The following ABCC11 variants were observed in gnomAD, a reference collection of about 807,000 sequenced individuals.
The protein encoded by ABCC11 is ATP binding cassette subfamily C member 11.
A neutral mutation model predicts 149.3 loss-of-function variants in ABCC11; 135 were observed. The observed-to-expected ratio is 0.90, with a 90% CI of 0.79 to 1.04. ABCC11 has a LOEUF of 1.04. Ranked by LOEUF, ABCC11 falls within the 50% of genes least tolerant of loss-of-function variation. The pLI, the probability that ABCC11 is intolerant of heterozygous loss-of-function variation, is 0.00. For synonymous variants in ABCC11, 665 were observed against 671.4 expected (o/e 0.99, Z 0.15); for missense variants, 1,680 against 1,722.1 (o/e 0.98, Z 0.43).
At chr16:48,212,619 T>G (rs1969021029) in intron 10 of ABCC11, among the ~76,000 whole-genome samples, 1 of 152,208 alleles carries the variant, frequency 6.6e-6, no homozygotes, top group South Asian at 2.1e-4. Context: ...CTTTGATCAT[T>G]AATTTACTTG....
At position 48,213,427 on chromosome 16, in the gene ABCC11, T is replaced by C. The variant is rs1389459642; in HGVS notation, c.1356+16A>G. The C allele has an allele frequency of 8.7e-6, 14 of 1,601,652 alleles. No individual in the cohort carries two copies. Among genetic ancestry groups the C allele is most frequent in the Admixed American group, 1.7e-5 (1 of 59,242 alleles). On this transcript the variant is annotated intron_variant, in intron 10 of 29. Transcript: ENST00000356608. Reference sequence around the variant, plus strand: ...GTCCAAGCAGGGGGCCTACAGCCAGTCCCCTGATGACCTACCTTGAACCTC... The same window carrying C: ...GTCCAAGCAGGGGGCCTACAGCCAGCCCCCTGATGACCTACCTTGAACCTC...
At chr16:48,226,179 C>T (rs1970058740) in intron 4 of ABCC11, among the ~76,000 whole-genome samples, 1 of 151,446 alleles carries the variant, frequency 6.6e-6, no homozygotes, top group Non-Finnish European at 1.5e-5. Flanking sequence ...CGGGTTCAAG[C>T]GATTCTCTGT....
intron 11 of ABCC11, chr16:48,210,588 T>G (rs1299934362): frequency 4.7e-6 from 1 of 213,244 alleles, no homozygotes; most frequent in Non-Finnish European, 9.4e-6. Context: ...GTTCACAGAA[T>G]AACCAAATTC....
rs567227718 is a variant in ABCC11 at position 48,241,085 on chromosome 16, C to G, written c.-19+6229G>C. On this transcript the variant is annotated intron_variant, in intron 1 of 29. Coordinates refer to ENST00000356608, the MANE Select transcript of ABCC11 (RefSeq NM_001370497.1). ...AAGTAGCTGGGATTACAGGCACGCA[C>G]CACCACACCTGGCTAATTTTCTGTA... 4.6e-5 allele frequency among the ~76,000 whole-genome samples: 7 copies of G among 152,248 alleles called. No individual in the cohort carries two copies. The South Asian group carries it at 1.2e-3, about 27-fold the overall frequency.
At chr16:48,238,189 C>A (rs1418444546) in intron 1 of ABCC11, among the ~76,000 whole-genome samples, 2 of 152,180 alleles carry the variant, frequency 1.3e-5, no homozygotes, top group Non-Finnish European at 1.5e-5. Context: ...AAGGTGGGAT[C>A]CTGTCAGACA....
At chr16:48,238,914 G>A (rs1280650527) in intron 1 of ABCC11, among the ~76,000 whole-genome samples, 2 of 134,752 alleles carry the variant, frequency 1.5e-5, no homozygotes, top group African/African-American at 2.9e-5. Context: ...TCCAGCCTGG[G>A]CGACAGAGGA....
rs189271829 is a variant in ABCC11 at position 48,214,507 on chromosome 16, G to T, written c.1248+374C>A. 1.7e-3 allele frequency among the ~76,000 whole-genome samples: 256 copies of T among 152,218 alleles called. 1 individual carries two copies. The highest frequency in any genetic ancestry group is 5.9e-3 in the African/African-American group (244 of 41,514). ...CTGCCACTTCTCAGGGCCAGGTTCC[G>T]ACCACGAAGGGAAGGACTGAAGACG... On this transcript the variant is annotated intron_variant, in intron 9 of 29. Transcript: ENST00000356608.
chr16:48,244,439 C>T, intron 1 of ABCC11: 2 of 1,594,466 alleles, frequency 1.3e-6, no homozygotes, highest in Non-Finnish European at 1.7e-6. Context: ...CGCTGCTGCT[C>T]ACCCACGAGG....
In ABCC11 at chr16:48,166,602, G is replaced by T. The variant is rs1965350662; in HGVS notation, c.*672C>A. On this transcript the variant is annotated 3_prime_UTR_variant, in exon 30 of 30. Transcript: ENST00000356608. ...GTAAAAAGCAGAATGAAGATGGCTG[G>T]GTGCAGTGGTTCATGCCCATAACCT... Among the ~76,000 whole-genome samples, 1 of 152,140 alleles carries T rather than the reference G, an allele frequency of 6.6e-6. No homozygotes were observed. Among genetic ancestry groups the T allele is most frequent in the African/African-American group, 2.4e-5 (1 of 41,418 alleles).
At chr16:48,245,422 A>T (rs58409512) in intron 1 of ABCC11, among the ~76,000 whole-genome samples, 29,711 of 152,166 alleles carry the variant, frequency 0.2, 3,392 homozygotes, top group African/African-American at 0.31. Context: ...CTCTTAGGCA[A>T]GTTATGAAGA....
At chr16:48,231,318 C>T (rs1203687859) in intron 2 of ABCC11, among the ~76,000 whole-genome samples, 1 of 151,626 alleles carries the variant, frequency 6.6e-6, no homozygotes, top group East Asian at 1.9e-4. Flanking sequence ...GAAGGTATGC[C>T]ATGATGATGG....
At chr16:48,202,755 A>T (rs7206909) in intron 14 of ABCC11, among the ~76,000 whole-genome samples, 1 of 152,064 alleles carries the variant, frequency 6.6e-6, no homozygotes, top group African/African-American at 2.4e-5. Flanking sequence ...ACAGACTGAG[A>T]TATTATTAGA....
intron 23 of ABCC11, among the ~76,000 whole-genome samples, chr16:48,180,173 G>A (rs1966339854): frequency 6.6e-6 from 1 of 152,224 alleles, no homozygotes. Context: ...CCAGAGCTTG[G>A]TTTAGGTGTG....
chr16:48,243,810 G>A (rs1220156908), intron 1 of ABCC11, among the ~76,000 whole-genome samples: 1 of 152,074 alleles, frequency 6.6e-6, no homozygotes, highest in African/African-American at 2.4e-5. Flanking sequence ...TGGCCAACAT[G>A]GTGAAATCCC....
intron 11 of ABCC11, chr16:48,210,602 C>A: frequency 4.3e-6 from 1 of 230,918 alleles, no homozygotes; most frequent in Non-Finnish European, 8.5e-6. Flanking sequence ...CAAATTCAAA[C>A]ACAGGATAGT....
At chr16:48,230,715 A>C (rs1258907088) in intron 2 of ABCC11, 142 bp from the exon 3 acceptor site, 1 of 1,021,650 alleles carries the variant, frequency 9.8e-7, no homozygotes, top group Non-Finnish European at 1.4e-6. Context: ...GAGAATAAGC[A>C]GGGGACCGAG....
intron 18 of ABCC11, among the ~76,000 whole-genome samples, chr16:48,194,368 C>A (rs1967198974): frequency 6.6e-6 from 1 of 152,170 alleles, no homozygotes; most frequent in African/African-American, 2.4e-5. Context: ...TTATGCAGGT[C>A]CTGCAGGTTC....
intron 26 of ABCC11, among the ~76,000 whole-genome samples, chr16:48,174,831 T>A (rs978702223): frequency 3.9e-5 from 6 of 152,172 alleles, no homozygotes; most frequent in Non-Finnish European, 8.8e-5. Context: ...TTTGTTTGTT[T>A]GTTTTTTAAT....
chr16:48,186,594 C>T (rs1315278596), intron 22 of ABCC11, among the ~76,000 whole-genome samples: 1 of 152,108 alleles, frequency 6.6e-6, no homozygotes, highest in Non-Finnish European at 1.5e-5. Context: ...TATTGTTCCT[C>T]ATTATTTTGT....
Sources: allele counts gnomAD v4.1 joint callset (sites outside exome capture counted in the v4.1 genomes callset), GRCh38; gene constraint gnomAD v4.1.1; transcripts MANE v1.5; gene names NCBI Gene and HGNC (gene_info 2026-07-23, HGNC 2026-07-21).